The following PIAS2 variants were observed in gnomAD, a reference collection of about 807,000 sequenced individuals.
PIAS2 encodes E3 SUMO-protein ligase PIAS2.
Under a neutral mutation model 69.7 loss-of-function variants are expected in PIAS2, and 19 were observed. That is an observed-to-expected ratio of 0.27 (90% CI 0.19 to 0.40). PIAS2 has a LOEUF of 0.40. PIAS2 is among the 10% of genes least tolerant of loss of function. PIAS2 has a pLI of 1.00. For synonymous variants in PIAS2, 261 were observed against 263.2 expected, an observed-to-expected ratio of 0.99 and a Z score of 0.08; for missense variants, 624 against 757.0, an observed-to-expected ratio of 0.82 and a Z score of 2.06.
At chr18:46,894,072 GC>G (rs1440227931) in intron 1 of PIAS2, among the ~76,000 whole-genome samples, 1 of 152,132 alleles carries the variant, frequency 6.6e-6, no homozygotes, top group Non-Finnish European at 1.5e-5. Context: ...GTTGCAGTGA[GC>G]CAAGACTGAG....
chr18:46,882,164 G>A (rs530425067), intron 2 of PIAS2, among the ~76,000 whole-genome samples: 3 of 151,982 alleles, frequency 2.0e-5, no homozygotes, highest in South Asian at 4.2e-4. Context: ...TATTAACTGA[G>A]TTAATAAAAA....
At chr18:46,877,564 G>A (rs1164750534) in intron 2 of PIAS2, among the ~76,000 whole-genome samples, 1 of 152,052 alleles carries the variant, frequency 6.6e-6, no homozygotes, top group Non-Finnish European at 1.5e-5. Flanking sequence ...GCCCTGACAT[G>A]CCCAAACACG....
intron 13 of PIAS2, among the ~76,000 whole-genome samples, chr18:46,813,308 T>C (rs1050802331): frequency 1.3e-5 from 2 of 152,182 alleles, no homozygotes. Context: ...ACCCCTTTCC[T>C]AGTGCTCATA....
intron 8 of PIAS2, among the ~76,000 whole-genome samples, chr18:46,842,270 A>G (rs113716258): frequency 0.026 from 3,757 of 146,092 alleles, 71 homozygotes; most frequent in Non-Finnish European, 0.039. Flanking sequence ...AGGATATGTT[A>G]TGAATGCAAA....
In PIAS2 at chr18:46,917,375, T is replaced by G. The variant is rs978866399; in HGVS notation, c.-30A>C. The G allele has an allele frequency of 1.2e-5, 18 of 1,450,024 alleles. No homozygotes were observed. The East Asian group carries it at 5.1e-4, about 41-fold the overall frequency. 89.8% of individuals were successfully genotyped at this position (1,450,024 alleles called of 1,614,324 possible). ...TACCACCCGCGGGCGCCGCCGCCGCTGCCGCCGCACCCACTCCCGCTGCCG... is the reference window on the plus strand; with the variant it reads ...TACCACCCGCGGGCGCCGCCGCCGCGGCCGCCGCACCCACTCCCGCTGCCG... On this transcript the variant is annotated 5_prime_UTR_variant, in exon 1 of 14. Coordinates refer to ENST00000585916, the MANE Select transcript of PIAS2 (RefSeq NM_004671.5).
chr18:46,850,324 A>C (rs1486668221), intron 5 of PIAS2, among the ~76,000 whole-genome samples: 1 of 152,140 alleles, frequency 6.6e-6, no homozygotes, highest in Non-Finnish European at 1.5e-5. Context: ...CACCGCACTT[A>C]GTTAGGTCTC....
chr18:46,891,356 C>T (rs936465280), intron 1 of PIAS2: 3 of 383,944 alleles, frequency 7.8e-6, no homozygotes, highest in Non-Finnish European at 1.4e-5. Context: ...CAGTTATTTG[C>T]TTTATGACTA....
chr18:46,877,454 T>G (rs553365465), intron 2 of PIAS2, among the ~76,000 whole-genome samples: 1 of 152,238 alleles, frequency 6.6e-6, no homozygotes, highest in East Asian at 1.9e-4. Context: ...TCTTCCTTAT[T>G]TGGAAAGCGT....
At chr18:46,815,868 A>G (rs951536631) in intron 12 of PIAS2, 23 of 985,422 alleles carry the variant, frequency 2.3e-5, no homozygotes, top group Non-Finnish European at 2.5e-5. Context: ...CAAAGCACAC[A>G]CTCGGGAATT....
intron 10 of PIAS2, 133 bp downstream of exon 10, chr18:46,829,601 G>T: frequency 1.4e-6 from 1 of 717,944 alleles, no homozygotes; most frequent in Admixed American, 2.6e-5. Context: ...AAAATCATTT[G>T]GGGGAAAACT....
rs1299478631 is a variant in PIAS2 at position 46,811,957 on chromosome 18, A to G, written c.*476T>C. 6.6e-6 allele frequency: 1 copy of G among 152,542 alleles called. No individual in the cohort carries two copies. Among genetic ancestry groups the G allele is most frequent in the East Asian group, 1.9e-4 (1 of 5,198 alleles). 9.4% of individuals were successfully genotyped at this position (152,542 alleles called of 1,614,324 possible). On this transcript the variant is annotated 3_prime_UTR_variant, in exon 14 of 14. Coordinates refer to ENST00000585916, the MANE Select transcript of PIAS2 (RefSeq NM_004671.5). ...TGAAACAGAGCAAATCTCCATGGAA[A>G]GGACTCATTCAGCAAACATTAAGTT...
chr18:46,839,543 C>T (rs2044988855), intron 8 of PIAS2, among the ~76,000 whole-genome samples: 1 of 152,086 alleles, frequency 6.6e-6, no homozygotes, highest in South Asian at 2.1e-4. Context: ...TTACAGTTAT[C>T]AGTTCTCATT....
intron 2 of PIAS2, among the ~76,000 whole-genome samples, chr18:46,875,436 A>G (rs901544231): frequency 8.5e-5 from 13 of 152,204 alleles, no homozygotes; most frequent in African/African-American, 3.1e-4. Flanking sequence ...AATTATAGAT[A>G]ATCCCCAAAC....
intron 12 of PIAS2, 45 bp downstream of exon 12, chr18:46,820,887 AT>A (rs766524492): frequency 6.4e-7 from 1 of 1,562,392 alleles, no homozygotes; most frequent in Non-Finnish European, 8.7e-7. Context: ...ATTAAAAAAA[AT>A]AAACTTTCAT....
intron 1 of PIAS2, among the ~76,000 whole-genome samples, chr18:46,891,949 G>A (rs1209975991): frequency 2.0e-5 from 3 of 152,082 alleles, no homozygotes; most frequent in Non-Finnish European, 2.9e-5. Flanking sequence ...TCACACTTGG[G>A]TCAGATACCA....
chr18:46,865,522 C>CAAAAAAAAAAAAAAAA (rs11321908), intron 2 of PIAS2, among the ~76,000 whole-genome samples: 2 of 108,260 alleles, frequency 1.8e-5, no homozygotes, highest in Non-Finnish European at 3.9e-5. Context: ...CGATAGTCTT[C>CAAAAAAAAAAAAAAAA]AAAAAAAAAA....
At chr18:46,908,684 T>A (rs2056909677) in intron 1 of PIAS2, among the ~76,000 whole-genome samples, 1 of 152,092 alleles carries the variant, frequency 6.6e-6, no homozygotes, top group African/African-American at 2.4e-5. Flanking sequence ...ATAAATGCAA[T>A]CACATAAAAA....
Position 46,826,934 on chromosome 18 carries a change from A to G in PIAS2, c.1508+1025T>C, listed in dbSNP as rs2042921715. Reference sequence around the variant, plus strand: ...TGTCTAAACAGGCATTATAGACACAAAAAAACGATTGCCTAGATTTGGGGT... The same window carrying G: ...TGTCTAAACAGGCATTATAGACACAGAAAAACGATTGCCTAGATTTGGGGT... On this transcript the variant is annotated intron_variant, in intron 11 of 13. Transcript: ENST00000585916. 4 of 152,300 alleles carry G rather than the reference A, an allele frequency of 2.6e-5. No individual in the cohort carries two copies. The South Asian group carries it at 8.3e-4, about 32-fold the overall frequency. 9.4% of individuals were successfully genotyped at this position (152,300 alleles called of 1,614,324 possible).
rs1477032177 is a variant in PIAS2, at chr18:46,880,388, A to AAAAAC, written c.499+10187_499+10191dup. ...AGAGACAGAGAGACCCTGTCTCAAAAAAAACAAAACAAAACAAAACAACTG... is the reference window on the plus strand; with the variant it reads ...AGAGACAGAGAGACCCTGTCTCAAAAAAAACAAAACAAAACAAAACAAAACAACTG... On this transcript the variant is annotated intron_variant, in intron 2 of 13. Coordinates refer to ENST00000585916, the MANE Select transcript of PIAS2 (RefSeq NM_004671.5). Among the ~76,000 whole-genome samples, 23 of 152,218 alleles carry AAAAAC rather than the reference A, an allele frequency of 1.5e-4. No individual in the cohort carries two copies. The East Asian group carries it at 2.9e-3, about 19-fold the overall frequency.
Sources: allele counts gnomAD v4.1 joint callset (sites outside exome capture counted in the v4.1 genomes callset), GRCh38; gene constraint gnomAD v4.1.1; transcripts MANE v1.5; gene names NCBI Gene and HGNC (gene_info 2026-07-23, HGNC 2026-07-21).